The following ZNF268 variants were observed in gnomAD, a reference collection of about 807,000 sequenced individuals.
ZNF268 encodes the protein zinc finger protein 3.
ZNF268 carries 20 observed loss-of-function variants against 29.3 expected under a neutral mutation model. The ratio of observed to expected loss-of-function variants is 0.68; its 90% CI spans 0.48 to 0.99. The LOEUF (loss-of-function observed/expected upper bound fraction) is 0.99, where lower values mean the gene tolerates loss of function less well. ZNF268 is among the 50% of genes least tolerant of loss of function. The pLI, the probability that ZNF268 is intolerant of heterozygous loss-of-function variation, is 0.00. For missense variants in ZNF268, 1,240 were observed against 1,121.6 expected (o/e 1.11, Z -1.51); for synonymous variants, 429 against 376.9 (o/e 1.14, Z -1.60).
chr12:133,187,892 A>G lies in ZNF268; in HGVS notation c.54A>G (p.Arg18=), dbSNP rs375393807. ...ASIWVPPLQE[R]NSSWDRIRKL... ...CACAGGTCCCACCTCTCCAAGAACG[A>G]AACAGTTCATGGGATAGGATCAGAA... Residue 18 remains arginine (R), a synonymous_variant, in exon 3 of 6, where the codon CGA becomes CGG. Coordinates refer to ENST00000536435, the MANE Select transcript of ZNF268 (RefSeq NM_003415.3). The G allele has an allele frequency of 1.3e-6, 2 of 1,597,602 alleles. No individual in the cohort carries two copies. Among genetic ancestry groups the G allele is most frequent in the Admixed American group, 1.7e-5 (1 of 57,510 alleles).
rs918926229 is a variant in ZNF268 at position 133,188,229 on chromosome 12, G to A, written c.234+157G>A. The A allele has an allele frequency of 2.4e-5, 16 of 672,174 alleles. No individual in the cohort carries two copies. The East Asian group carries it at 4.1e-4, about 17-fold the overall frequency. The allele number at this position is 672,174 out of a possible 1,614,324, so 41.6% of individuals were successfully genotyped here. The stretch of plus-strand genomic sequence containing the variant: ...CTTTTTTTTTTGAGACAGGGTCTTG[G>A]TCTGTTGCCCAGAGTGGAGCGCAGT... On this transcript the variant is annotated intron_variant, in intron 3 of 5. Coordinates refer to ENST00000536435, the MANE Select transcript of ZNF268 (RefSeq NM_003415.3).
chr12:133,203,728 C>T lies in ZNF268; in HGVS notation c.2042C>T (p.Ser681Phe), dbSNP rs1194258878. Residue 681 changes from serine (S) to phenylalanine (F), a missense_variant, in exon 6 of 6, where the codon TCC (serine) becomes TTC (phenylalanine). This residue lies in a region of ZNF268 where 1,177 missense variants were observed against 1,039.6 expected (regional missense o/e 1.13). Coordinates refer to ENST00000536435, the MANE Select transcript of ZNF268 (RefSeq NM_003415.3). ...SQCAKTFSLK[S>F]QLIVHQRSHT... ...TGTGCAAAAACCTTTAGTTTGAAGT[C>T]CCAGCTCATTGTACATCAGAGAAGT... 2 of 1,550,980 alleles carry T rather than the reference C, an allele frequency of 1.3e-6. No individual in the cohort carries two copies. Among genetic ancestry groups the T allele is most frequent in the East Asian group, 4.8e-5 (2 of 41,726 alleles).
In ZNF268 at chr12:133,182,033, GA is replaced by G; in HGVS notation, c.33+4del. 6.4e-7 allele frequency: 1 copy of G among 1,560,668 alleles called. No homozygotes were observed. Among genetic ancestry groups the G allele is most frequent in the Non-Finnish European group, 8.7e-7 (1 of 1,152,028 alleles). ...GGGTCCGGACAGCTTCTATTTGGGT[GA>G]GTAGGGGTTTTCTTTCATTCTTGAA... is the stretch of plus-strand genomic sequence containing the variant. On this transcript the variant is annotated splice_donor_region_variant and intron_variant, in intron 2 of 5. Transcript: ENST00000536435.
At chr12:133,186,821 C>T (rs1956330122) in intron 2 of ZNF268, among the ~76,000 whole-genome samples, 2 of 152,174 alleles carry the variant, frequency 1.3e-5, no homozygotes, top group African/African-American at 4.8e-5. Flanking sequence ...AGAAGCCAGA[C>T]ACAAAAGACT....
At chr12:133,197,987 C>T (rs1268025706) in intron 5 of ZNF268, among the ~76,000 whole-genome samples, 1 of 151,996 alleles carries the variant, frequency 6.6e-6, no homozygotes, top group African/African-American at 2.4e-5. Flanking sequence ...TGTAGGTTGC[C>T]TGTTCACTCT....
chr12:133,198,454 G>T (rs1956668358), intron 5 of ZNF268, among the ~76,000 whole-genome samples: 1 of 151,300 alleles, frequency 6.6e-6, no homozygotes, highest in African/African-American at 2.4e-5. Flanking sequence ...AGTATAGTTT[G>T]AAGTCAGGTA....
intron 5 of ZNF268, among the ~76,000 whole-genome samples, chr12:133,201,436 A>T (rs1956749911): frequency 6.6e-6 from 1 of 152,050 alleles, no homozygotes. Flanking sequence ...AAACATTGAG[A>T]CCTGTGCATC....
Position 133,202,578 on chromosome 12 carries a change from C to G in ZNF268, c.892C>G (p.His298Asp). The G allele has an allele frequency of 2.5e-6, 4 of 1,608,808 alleles. 1 individual carries two copies. Among genetic ancestry groups the G allele is most frequent in the East Asian group, 4.5e-5 (2 of 44,764 alleles). ...KSYLLVHQQT[H>D]AEEKPYGCNE... is the part of the protein sequence containing the mutation. ...ATACCTTCTAGTGCATCAGCAAACT[C>G]ATGCCGAAGAGAAACCCTATGGTTG... The change falls in exon 6 of 6, where the codon CAT becomes GAT. Residue 298 changes from histidine to aspartate, a missense_variant. Physicochemically the swap from His to Asp is moderately conservative, Grantham distance 81. Around this residue, in one of 3 missense-constraint regions of ZNF268, gnomAD observed 1,177 missense variants for 1,039.6 expected, o/e 1.13. Coordinates refer to ENST00000536435, the MANE Select transcript of ZNF268 (RefSeq NM_003415.3).
intron 5 of ZNF268, among the ~76,000 whole-genome samples, chr12:133,194,221 C>G (rs967262352): frequency 6.6e-6 from 1 of 152,198 alleles, no homozygotes; most frequent in Non-Finnish European, 1.5e-5. Flanking sequence ...ACTAGCATGA[C>G]AGCATAAATC....
chr12:133,192,082 A>C, intron 5 of ZNF268, 79 bp downstream of exon 5: 1 of 1,217,116 alleles, frequency 8.2e-7, no homozygotes. Context: ...TCTTGTTTGT[A>C]CTTTGCCTCG....
At chr12:133,188,690 G>A (rs1247151788) in intron 3 of ZNF268, among the ~76,000 whole-genome samples, 1 of 141,976 alleles carries the variant, frequency 7.0e-6, no homozygotes, top group Non-Finnish European at 1.6e-5. Context: ...TGTTAGAAAT[G>A]CAGAATATCA....
intron 5 of ZNF268, among the ~76,000 whole-genome samples, chr12:133,196,818 G>GGGAATTGATGTTTGGGGAGAT (rs1466461116): frequency 7.2e-5 from 11 of 152,086 alleles, no homozygotes; most frequent in African/African-American, 2.7e-4. Context: ...TGCCCCAGTG[G>GGGAATTGATGTTTGGGGAGAT]GGAATTGATG....
chr12:133,198,303 A>G (rs906387340), intron 5 of ZNF268, among the ~76,000 whole-genome samples: 2 of 151,268 alleles, frequency 1.3e-5, no homozygotes, highest in African/African-American at 2.4e-5. Context: ...TCCTTTCCCT[A>G]TTGCTTGTTT....
chr12:133,181,901 G>A, intron 1 of ZNF268, 45 bp from the exon 2 acceptor site: 1 of 1,378,224 alleles, frequency 7.3e-7, no homozygotes, highest in Non-Finnish European at 1.0e-6. Context: ...TCTGGGTTTG[G>A]GGACTGCTGG....
At position 133,204,597 on chromosome 12, in the gene ZNF268, CTG is replaced by C. The variant is rs1194513084; in HGVS notation, c.*69_*70del. On this transcript the variant is annotated 3_prime_UTR_variant, in exon 6 of 6. Transcript: ENST00000536435. The stretch of plus-strand genomic sequence containing the variant: ...AAACAATCATATATAAAGAGAAACT[CTG>C]TAAGTGGAATCATCTTGTCATCTTC... The C allele has an allele frequency of 1.4e-5, 17 of 1,198,212 alleles. No individual in the cohort carries two copies. The East Asian group carries it at 2.8e-4, about 20-fold the overall frequency. 74.2% of individuals were successfully genotyped at this position (1,198,212 alleles called of 1,614,324 possible). A position where few individuals can be genotyped will look rare whatever the true frequency, so the allele number is the denominator to read the frequency against.
At position 133,202,460 on chromosome 12, in the gene ZNF268, CAATA is replaced by C. The variant is rs1038279551; in HGVS notation, c.776_779del (p.Asn259ArgfsTer33). On this transcript the variant is annotated frameshift_variant, in exon 6 of 6. Coordinates refer to ENST00000536435, the MANE Select transcript of ZNF268 (RefSeq NM_003415.3). LOFTEE classifies it low-confidence loss of function (END_TRUNC). ...AAAGTATTGAATCTGGAAAAACCGT[CAATA>C]AGAAATCGCAACTTATGTGCCAACA... 6.2e-7 allele frequency: 1 copy of C among 1,611,540 alleles called. No individual in the cohort carries two copies. The highest frequency in any genetic ancestry group is 1.3e-5 in the African/African-American group (1 of 74,864).
chr12:133,208,229 C>G lies in ZNF268; in HGVS notation c.*3699C>G, dbSNP rs1230170814. 1 of 152,018 alleles carries G rather than the reference C, an allele frequency of 6.6e-6. No individual in the cohort carries two copies. The highest frequency in any genetic ancestry group is 1.5e-5 in the Non-Finnish European group (1 of 68,096). 9.4% of individuals were successfully genotyped at this position (152,018 alleles called of 1,614,324 possible). On this transcript the variant is annotated 3_prime_UTR_variant, in exon 6 of 6. Transcript: ENST00000536435. ...AGCCAGGTGTGGTCAGGCGCCGTGG[C>G]TCATGCCTGTAATCCCAGCACTTTG...
intron 5 of ZNF268, among the ~76,000 whole-genome samples, chr12:133,195,203 GTCA>G (rs1566373456): frequency 6.6e-6 from 1 of 152,072 alleles, no homozygotes; most frequent in African/African-American, 2.4e-5. Flanking sequence ...TTCCTTTTCC[GTCA>G]TCATCTGTGA....
chr12:133,182,624 T>C (rs1366723121), intron 2 of ZNF268, among the ~76,000 whole-genome samples: 1 of 152,166 alleles, frequency 6.6e-6, no homozygotes, highest in African/African-American at 2.4e-5. Context: ...CCCAAATGCT[T>C]CAATGATTAA....
Sources: allele counts gnomAD v4.1 joint callset (sites outside exome capture counted in the v4.1 genomes callset), GRCh38; gene constraint gnomAD v4.1.1; regional missense constraint gnomAD v4.1.1; transcripts MANE v1.5; gene names NCBI Gene and HGNC (gene_info 2026-07-23, HGNC 2026-07-21).